SDHAF3: variants seen among roughly 807,000 people sequenced by gnomAD.
The protein encoded by SDHAF3 is succinate dehydrogenase assembly factor 3, mitochondrial.
In SDHAF3, 18 loss-of-function variants were observed where a neutral mutation model predicts 11.5. The observed-to-expected ratio is 1.56, with a 90% CI of 1.08 to 2.32. The LOEUF is 2.32. Ranked by LOEUF, SDHAF3 falls within the 30% of genes most tolerant of loss-of-function variation. The pLI is 0.00. For synonymous variants in SDHAF3, 72 were observed against 59.3 expected, an observed-to-expected ratio of 1.21 and a Z score of -0.99; for missense variants, 200 against 154.4, an observed-to-expected ratio of 1.30 and a Z score of -1.57.
chr7:97,123,983 C>T (rs894830529), intron 1 of SDHAF3, among the ~76,000 whole-genome samples: 1 of 152,080 alleles, frequency 6.6e-6, no homozygotes, highest in African/African-American at 2.4e-5. Context: ...TTTTGCTGAG[C>T]AGAAGCTCTT....
At chr7:97,136,818 T>G (rs904000085) in intron 1 of SDHAF3, among the ~76,000 whole-genome samples, 8 of 152,222 alleles carry the variant, frequency 5.3e-5, no homozygotes, top group Admixed American at 1.3e-4. Context: ...AGCAATTTAT[T>G]GCTCTGTGTA....
At chr7:97,149,074 C>A (rs141743668) in intron 1 of SDHAF3, among the ~76,000 whole-genome samples, 1,729 of 152,034 alleles carry the variant, frequency 0.011, 36 homozygotes, top group African/African-American at 0.04. Flanking sequence ...GGACTACAGG[C>A]GTGCACCATC....
At chr7:97,129,343 G>A (rs1288298203) in intron 1 of SDHAF3, among the ~76,000 whole-genome samples, 3 of 152,108 alleles carry the variant, frequency 2.0e-5, no homozygotes, top group Non-Finnish European at 4.4e-5. Flanking sequence ...TGTATTCTCT[G>A]TTTGTATTCG....
intron 1 of SDHAF3, among the ~76,000 whole-genome samples, chr7:97,133,578 A>T (rs928287514): frequency 6.6e-6 from 1 of 152,166 alleles, no homozygotes; most frequent in Non-Finnish European, 1.5e-5. Flanking sequence ...TTTTAGGTTT[A>T]CCACCTTCTT....
intron 1 of SDHAF3, among the ~76,000 whole-genome samples, chr7:97,150,688 C>T (rs183731034): frequency 1.1e-3 from 165 of 151,574 alleles, no homozygotes; most frequent in South Asian, 9.6e-3. Flanking sequence ...CTCAGCCTCC[C>T]GAGTAGCTGG....
intron 1 of SDHAF3, among the ~76,000 whole-genome samples, chr7:97,124,510 A>AT (rs1791546120): frequency 6.6e-6 from 1 of 151,680 alleles, no homozygotes; most frequent in Admixed American, 6.6e-5. Flanking sequence ...ATTTAAAGTA[A>AT]TTTTTTTTCT....
intron 1 of SDHAF3, among the ~76,000 whole-genome samples, chr7:97,152,455 C>T (rs1789238996): frequency 6.6e-6 from 1 of 152,122 alleles, no homozygotes; most frequent in South Asian, 2.1e-4. Flanking sequence ...GGTGGGAGGT[C>T]ACAAGACCAG....
chr7:97,173,992 T>C (rs1789644067), intron 1 of SDHAF3, among the ~76,000 whole-genome samples: 1 of 152,032 alleles, frequency 6.6e-6, no homozygotes, highest in Non-Finnish European at 1.5e-5. Flanking sequence ...CAATCTCGGC[T>C]CACTGCAACC....
chr7:97,162,650 C>G (rs533495102), intron 1 of SDHAF3, among the ~76,000 whole-genome samples: 1 of 152,212 alleles, frequency 6.6e-6, no homozygotes, highest in South Asian at 2.1e-4. Context: ...GTTATTTACC[C>G]AGTAGTCATT....
intron 1 of SDHAF3, among the ~76,000 whole-genome samples, chr7:97,121,536 T>C (rs1032062880): frequency 1.3e-5 from 2 of 152,238 alleles, no homozygotes; most frequent in Non-Finnish European, 2.9e-5. Flanking sequence ...ATTTTTCAGA[T>C]AGTTTTGATC....
At chr7:97,160,194 A>T in intron 1 of SDHAF3, among the ~76,000 whole-genome samples, 1 of 111,474 alleles carries the variant, frequency 9.0e-6, no homozygotes, top group Admixed American at 1.0e-4. Context: ...ATCGTCTGGG[A>T]AGTGAGGAGC....
intron 1 of SDHAF3, among the ~76,000 whole-genome samples, chr7:97,146,133 G>A (rs75323574): frequency 0.11 from 16,282 of 151,780 alleles, 881 homozygotes; most frequent in Middle Eastern, 0.16. Context: ...ACTTTTGAAC[G>A]CTAGATGACA....
At chr7:97,142,440 A>G (rs957784228) in intron 1 of SDHAF3, among the ~76,000 whole-genome samples, 1 of 152,198 alleles carries the variant, frequency 6.6e-6, no homozygotes, top group African/African-American at 2.4e-5. Context: ...AATTTAGGGC[A>G]TTAGGCTTAT....
chr7:97,129,538 T>C (rs1791633424), intron 1 of SDHAF3, among the ~76,000 whole-genome samples: 1 of 152,184 alleles, frequency 6.6e-6, no homozygotes, highest in Admixed American at 6.5e-5. Flanking sequence ...GGAGAGGAGA[T>C]AAAAAATAAG....
At chr7:97,175,523 T>A (rs1789666619) in intron 1 of SDHAF3, among the ~76,000 whole-genome samples, 1 of 152,194 alleles carries the variant, frequency 6.6e-6, no homozygotes, top group South Asian at 2.1e-4. Flanking sequence ...TACTAAAAAC[T>A]AAGCAGTCCT....
At chr7:97,170,083 G>A (rs1308861315) in intron 1 of SDHAF3, among the ~76,000 whole-genome samples, 1 of 150,686 alleles carries the variant, frequency 6.6e-6, no homozygotes, top group East Asian at 1.9e-4. Flanking sequence ...AGTAAGGTAA[G>A]GAGTTGGCTA....
chr7:97,174,528 A>G (rs756083750), intron 1 of SDHAF3, among the ~76,000 whole-genome samples: 2 of 152,214 alleles, frequency 1.3e-5, no homozygotes, highest in Admixed American at 6.5e-5. Flanking sequence ...CCTGCCTCAC[A>G]TTTAGTCATC....
chr7:97,179,501 A>G (rs1228270111), intron 1 of SDHAF3, among the ~76,000 whole-genome samples: 3 of 151,590 alleles, frequency 2.0e-5, no homozygotes, highest in Non-Finnish European at 4.4e-5. Context: ...TGCTTTAACA[A>G]TCAACATTCT....
At chr7:97,173,071 G>A (rs758080346) in intron 1 of SDHAF3, among the ~76,000 whole-genome samples, 3 of 152,132 alleles carry the variant, frequency 2.0e-5, no homozygotes, top group Non-Finnish European at 4.4e-5. Context: ...TTCACAATAG[G>A]GTTCATGCTC....
Sources: gnomAD v4.1 joint callset for allele counts (sites outside exome capture counted in the v4.1 genomes callset) on GRCh38, gnomAD v4.1.1 for gene constraint, MANE v1.5 for transcripts, NCBI Gene and HGNC (gene_info 2026-07-23, HGNC 2026-07-21) for gene names.